Variants in WDR33 observed in about 807,000 individuals in gnomAD.
WDR33 encodes the protein pre-mRNA 3' end processing protein WDR33.
In WDR33, 47 loss-of-function variants were observed where a neutral mutation model predicts 164.9. The ratio of observed to expected loss-of-function variants is 0.29; its 90% CI spans 0.23 to 0.36. The LOEUF (loss-of-function observed/expected upper bound fraction) is 0.36. Ranked by LOEUF, WDR33 falls within the 10% of genes least tolerant of loss-of-function variation. WDR33 has a pLI of 1.00. For missense variants in WDR33, 1,137 were observed against 1,754.1 expected, an observed-to-expected ratio of 0.65 and a Z score of 6.28; for synonymous variants, 505 against 589.0, an observed-to-expected ratio of 0.86 and a Z score of 2.06.
In WDR33 at chr2:127,750,699, T is replaced by C. The variant is rs1245556146; in HGVS notation, c.724+12363A>G. On this transcript the variant is annotated intron_variant, in intron 7 of 21. Coordinates refer to ENST00000322313, the MANE Select transcript of WDR33 (RefSeq NM_018383.5). The stretch of plus-strand genomic sequence containing the variant: ...AAAAATATATATATATATATATATA[T>C]ATATATATATATATGTATGTATGCA... 9.6e-4 allele frequency among the ~76,000 whole-genome samples: 55 copies of C among 57,526 alleles called. 1 individual carries two copies. The highest frequency in any genetic ancestry group is 5.3e-3 in the African/African-American group (52 of 9,864). 37.7% of individuals were successfully genotyped at this position (57,526 alleles called of 152,430 possible).
chr2:127,717,293 G>A lies in WDR33; in HGVS notation c.2761-30C>T. 2 of 1,517,522 alleles carry A rather than the reference G, an allele frequency of 1.3e-6. No individual in the cohort carries two copies. The allele number at this position is 1,517,522 out of a possible 1,614,324, so 94.0% of individuals were successfully genotyped here. A position where few individuals can be genotyped will look rare whatever the true frequency, so the allele number is the denominator to read the frequency against. ...AAATATGTTTTTAAAGTAAGGGTAT[G>A]AAATCACAGGCTTGAGCTACATAAA... On this transcript the variant is annotated intron_variant, in intron 16 of 21. Transcript: ENST00000322313. This position sits in a 1 kb window ranked among gnomAD's most constrained non-coding sequence, Gnocchi z 5.6.
In WDR33 at chr2:127,714,072, C is replaced by T; in HGVS notation, c.2870-51G>A. On this transcript the variant is annotated intron_variant, in intron 17 of 21. Coordinates refer to ENST00000322313, the MANE Select transcript of WDR33 (RefSeq NM_018383.5). This position sits in a 1 kb window ranked among gnomAD's most constrained non-coding sequence, Gnocchi z 4.3. ...CCATGTCTTCCAGGAAACCTGCCAA[C>T]ATAGGTCTGATCTGTAGCATCTCTA... The T allele has an allele frequency of 6.8e-7, 1 of 1,468,392 alleles. No individual in the cohort carries two copies. The highest frequency in any genetic ancestry group is 2.3e-5 in the East Asian group (1 of 42,700). The allele number at this position is 1,468,392 out of a possible 1,614,324, so 91.0% of individuals were successfully genotyped here.
chr2:127,808,213 T>A (rs1689506848), intron 1 of WDR33, among the ~76,000 whole-genome samples: 1 of 152,206 alleles, frequency 6.6e-6, no homozygotes, highest in Admixed American at 6.5e-5. Context: ...GAATGCCTAC[T>A]ATATATGAGG....
chr2:127,711,751 G>GATAGATATATATATATATATATAT (rs1157627935), intron 18 of WDR33, among the ~76,000 whole-genome samples: 1 of 71,634 alleles, frequency 1.4e-5, no homozygotes, highest in African/African-American at 9.9e-5. Context: ...CACATATACA[G>GATAGATATATATATATATATATAT]ATATATATAT....
chr2:127,781,487 T>C (rs946378685), intron 1 of WDR33, among the ~76,000 whole-genome samples: 17 of 152,166 alleles, frequency 1.1e-4, no homozygotes, highest in African/African-American at 4.1e-4. Context: ...CTAAATAAGA[T>C]CTGCAGACCA....
intron 7 of WDR33, among the ~76,000 whole-genome samples, chr2:127,750,734 ATG>A (rs1274960934): frequency 2.9e-5 from 2 of 68,260 alleles, no homozygotes; most frequent in Non-Finnish European, 2.6e-5. Context: ...ATACATATAT[ATG>A]TATGCATACA....
chr2:127,731,888 T>C (rs11888157), intron 7 of WDR33, among the ~76,000 whole-genome samples: 66,757 of 151,880 alleles, frequency 0.44, 15,812 homozygotes, highest in African/African-American at 0.61. Context: ...GAGGTAGAGA[T>C]CAGCCTGGGC....
intron 7 of WDR33, among the ~76,000 whole-genome samples, chr2:127,742,874 C>CA (rs540115118): frequency 0.017 from 2,120 of 127,018 alleles, 60 homozygotes; most frequent in African/African-American, 0.058. Context: ...AAAAAAAAAA[C>CA]AAAAAAAAAC....
At chr2:127,773,619 GA>G (rs1328112303) in intron 1 of WDR33, among the ~76,000 whole-genome samples, 1 of 152,132 alleles carries the variant, frequency 6.6e-6, no homozygotes, top group Non-Finnish European at 1.5e-5. Flanking sequence ...CGGCAGAAAA[GA>G]ACTAAGCAGT....
chr2:127,729,949 A>C (rs1461052236), intron 7 of WDR33, among the ~76,000 whole-genome samples: 4 of 152,224 alleles, frequency 2.6e-5, no homozygotes, highest in East Asian at 3.8e-4. Context: ...AGAACTTAAA[A>C]ACAGAGGGAC....
chr2:127,749,059 C>CG (rs1337159383), intron 7 of WDR33, among the ~76,000 whole-genome samples: 1 of 152,040 alleles, frequency 6.6e-6, no homozygotes, highest in Admixed American at 6.6e-5. Flanking sequence ...AAAATGTGGC[C>CG]GGGCTTGGTG....
chr2:127,788,419 A>G (rs1467825868), intron 1 of WDR33, among the ~76,000 whole-genome samples: 428 of 47,162 alleles, frequency 9.1e-3, no homozygotes, highest in Middle Eastern at 0.014. Context: ...GGCCGGGCGG[A>G]GGGCTGACCC....
intron 7 of WDR33, among the ~76,000 whole-genome samples, chr2:127,729,131 TG>T (rs1686641139): frequency 1.3e-5 from 2 of 152,394 alleles, no homozygotes; most frequent in South Asian, 4.1e-4. Context: ...TATTCATCGC[TG>T]TTCTTAATAA....
rs1199901156 is a variant in WDR33, at chr2:127,763,076, T to C, written c.710A>G (p.Glu237Gly). ...RIWDFLRCHE[E>G]RILRGHGADV... ...AGTACACGTACCTCGGAGAATTCTT[T>C]CCTCATGGCAACGAAGAAAGTCCCA... Residue 237 changes from glutamate (E) to glycine (G), a missense_variant, in exon 7 of 22, where the codon GAA becomes GGA. Coordinates refer to ENST00000322313, the MANE Select transcript of WDR33 (RefSeq NM_018383.5). This position sits in a 1 kb window ranked among gnomAD's most constrained non-coding sequence, Gnocchi z 4.5. 2 of 1,614,078 alleles carry C rather than the reference T, an allele frequency of 1.2e-6. No individual in the cohort carries two copies. Among genetic ancestry groups the C allele is most frequent in the Non-Finnish European group, 1.7e-6 (2 of 1,179,934 alleles).
rs1687970980 is a variant in WDR33 at position 127,770,655 on chromosome 2, C to T, written c.204+123G>A. 3.0e-6 allele frequency: 2 copies of T among 669,694 alleles called. No homozygotes were observed. The highest frequency in any genetic ancestry group is 4.1e-6 in the Non-Finnish European group (2 of 487,846). The allele number at this position is 669,694 out of a possible 1,614,324, so 41.5% of individuals were successfully genotyped here. On this transcript the variant is annotated intron_variant, in intron 2 of 21. Coordinates refer to ENST00000322313, the MANE Select transcript of WDR33 (RefSeq NM_018383.5). The surrounding 1 kb of genome is among the most constrained non-coding windows in gnomAD (Gnocchi z 4.9). Reference sequence around the variant, plus strand: ...GCAGTGAGCCAAAACCACACCACTGCACTCTGGCCTGGGCAACAAGAAAGA... The same window carrying T: ...GCAGTGAGCCAAAACCACACCACTGTACTCTGGCCTGGGCAACAAGAAAGA...
In WDR33 at chr2:127,701,495, G is replaced by A; in HGVS notation, c.*4828C>T. On this transcript the variant is annotated 3_prime_UTR_variant, in exon 22 of 22. Transcript: ENST00000322313. ...TTCAGCGGAGGGCCGGAAGTGAGCC[G>A]CAGCTTTTCCTTTCTGCCACCGCCT... 2 of 1,274,322 alleles carry A rather than the reference G, an allele frequency of 1.6e-6. No individual in the cohort carries two copies. Among genetic ancestry groups the A allele is most frequent in the Non-Finnish European group, 2.0e-6 (2 of 1,007,046 alleles). 78.9% of individuals were successfully genotyped at this position (1,274,322 alleles called of 1,614,324 possible).
intron 1 of WDR33, among the ~76,000 whole-genome samples, chr2:127,785,386 TTTCTC>T (rs1485594829): frequency 1.3e-5 from 2 of 152,212 alleles, no homozygotes; most frequent in South Asian, 2.1e-4. Context: ...CTTGATGTGC[TTTCTC>T]TTGAGTTGTG....
chr2:127,756,809 T>C (rs894643019), intron 7 of WDR33, among the ~76,000 whole-genome samples: 1 of 152,096 alleles, frequency 6.6e-6, no homozygotes, highest in African/African-American at 2.4e-5. Context: ...CGGCCAGGCA[T>C]GGTGGCTTAT....
intron 1 of WDR33, among the ~76,000 whole-genome samples, chr2:127,788,268 C>G (rs1462399339): frequency 1.0e-3 from 135 of 130,930 alleles, no homozygotes; most frequent in Non-Finnish European, 1.1e-3. Context: ...ACCTCCCTCC[C>G]GGACAGGGCG....
Sources: allele counts gnomAD v4.1 joint callset (sites outside exome capture counted in the v4.1 genomes callset), GRCh38; gene constraint gnomAD v4.1.1; non-coding constraint Gnocchi (gnomAD v3.1); transcripts MANE v1.5; gene names NCBI Gene and HGNC (gene_info 2026-07-23, HGNC 2026-07-21).